The following CD36 variants were observed in gnomAD, a reference collection of about 807,000 sequenced individuals.
CD36 encodes the protein CD36 molecule (CD36 blood group).
A neutral mutation model predicts 55.2 loss-of-function variants in CD36; 119 were observed. The observed-to-expected ratio is 2.15, with a 90% CI of 1.86 to 2.51. The LOEUF (loss-of-function observed/expected upper bound fraction) is 2.51. Ranked by LOEUF, CD36 falls within the 30% of genes most tolerant of loss-of-function variation. The pLI is 0.00. For synonymous variants in CD36, 186 were observed against 193.6 expected (o/e 0.96, Z 0.33); for missense variants, 819 against 555.5 (o/e 1.47, Z -4.77).
At chr7:80,646,439 T>G in intron 2 of CD36, 1 of 373,246 alleles carries the variant, frequency 2.7e-6, no homozygotes, top group South Asian at 2.5e-5. Flanking sequence ...TATGAAGAAA[T>G]TCAGATATGA....
In CD36 at chr7:80,667,742, C is replaced by CTTTTTTT. The variant is rs1554344704; in HGVS notation, c.748+1257_748+1258insTTTTTTT. 1.5e-4 allele frequency among the ~76,000 whole-genome samples: 14 copies of CTTTTTTT among 92,952 alleles called. 1 individual carries two copies. The highest frequency in any genetic ancestry group is 5.4e-4 in the African/African-American group (14 of 26,044). The allele number at this position is 92,952 out of a possible 152,430, so 61.0% of individuals were successfully genotyped here. ...ACACTGTTGGATTTGCAGGGGTTTT[C>CTTTTTTT]TTTTGTTTTTTTTTTTTTTTTTTTT... On this transcript the variant is annotated intron_variant, in intron 8 of 14. Transcript: ENST00000447544.
At chr7:80,672,743 G>GTAAT in intron 11 of CD36, 27 bp from the exon 12 acceptor site, 1 of 1,487,538 alleles carries the variant, frequency 6.7e-7, no homozygotes. Flanking sequence ...TTAAAAGTTG[G>GTAAT]TAATTATTTA....
chr7:80,665,068 A>T (rs992878064), intron 7 of CD36, among the ~76,000 whole-genome samples: 3 of 152,076 alleles, frequency 2.0e-5, no homozygotes, highest in Non-Finnish European at 4.4e-5. Context: ...AGCTTTTTTA[A>T]CTTTATCAAT....
chr7:80,663,137 CCT>C lies in CD36; in HGVS notation c.578_579del (p.Pro193ArgfsTer20), dbSNP rs1491516639. On this transcript the variant is annotated frameshift_variant, in exon 6 of 15. Coordinates refer to ENST00000447544, the MANE Select transcript of CD36 (RefSeq NM_001001548.3). LOFTEE classifies it high-confidence loss of function. Reference sequence around the variant, plus strand: ...TCCATTTTTGAGTTTGGTTCCGTACCCTGTTACTACCACAGTTGGTCTGTTTT... The same window carrying C: ...TCCATTTTTGAGTTTGGTTCCGTACCGTTACTACCACAGTTGGTCTGTTTT... The part of the protein sequence containing the change: ...RDPFLSLVPY[P>X]VTTTVGLFYP... 3.7e-6 allele frequency: 6 copies of C among 1,613,500 alleles called. 1 individual carries two copies. In the South Asian group the frequency reaches 4.4e-5, roughly 12 times the overall value.
rs2116838514 is a variant in CD36, at chr7:80,669,947, A to C, written c.749-6A>C. The C allele has an allele frequency of 6.2e-7, 1 of 1,607,648 alleles. No homozygotes were observed. The highest frequency in any genetic ancestry group is 2.2e-5 in the East Asian group (1 of 44,830). On this transcript the variant is annotated splice_region_variant and splice_polypyrimidine_tract_variant and intron_variant, in intron 8 of 14. Coordinates refer to ENST00000447544, the MANE Select transcript of CD36 (RefSeq NM_001001548.3). ...TCTAATCATTTGCCACTCGATTTTT[A>C]AACAGATGCAGCCTCATTTCCACCT...
Position 80,674,092 on chromosome 7 carries a change from T to C in CD36, c.1364T>C (p.Met455Thr). ...ATCTTACTCAGTGTTGGTGTGGTGA[T>C]GTTTGTTGCTTTTATGATTTCATAT... ...EMILLSVGVV[M>T]FVAFMISYCA... is the part of the protein sequence containing the mutation. The change falls in exon 14 of 15, where the codon ATG becomes ACG. Residue 455 changes from methionine (M) to threonine (T), a missense_variant. Coordinates refer to ENST00000447544, the MANE Select transcript of CD36 (RefSeq NM_001001548.3). 6.2e-7 allele frequency: 1 copy of C among 1,612,502 alleles called. No individual in the cohort carries two copies. Among genetic ancestry groups the C allele is most frequent in the Non-Finnish European group, 8.5e-7 (1 of 1,179,006 alleles).
intron 3 of CD36, among the ~76,000 whole-genome samples, chr7:80,654,157 T>C (rs1795834471): frequency 6.6e-6 from 1 of 152,186 alleles, no homozygotes; most frequent in South Asian, 2.1e-4. Flanking sequence ...AAAGGTCTCA[T>C]ACACGTACAA....
intron 1 of CD36, among the ~76,000 whole-genome samples, chr7:80,612,022 A>G (rs1584268826): frequency 3.9e-5 from 6 of 152,360 alleles, no homozygotes; most frequent in Admixed American, 3.9e-4. Context: ...AAGGCCAAGC[A>G]GTGAGTGCTG....
At chr7:80,643,458 A>G (rs1004904490) in intron 1 of CD36, among the ~76,000 whole-genome samples, 2 of 152,098 alleles carry the variant, frequency 1.3e-5, no homozygotes, top group Non-Finnish European at 2.9e-5. Context: ...TTTTAAATAG[A>G]TTTTCATACT....
At chr7:80,674,843 T>C (rs992356469) in intron 14 of CD36, among the ~76,000 whole-genome samples, 1 of 152,102 alleles carries the variant, frequency 6.6e-6, no homozygotes, top group Non-Finnish European at 1.5e-5. Context: ...AAAAGCAGTA[T>C]GTGTGTTATA....
Position 80,673,379 on chromosome 7 carries a change from C to A in CD36, c.1224C>A (p.Asn408Lys). The change falls in exon 13 of 15, where the codon AAC becomes AAA. Residue 408 changes from asparagine to lysine, a missense_variant. By Grantham distance (94) the Asn-to-Lys change is moderately conservative. Coordinates refer to ENST00000447544, the MANE Select transcript of CD36 (RefSeq NM_001001548.3). Reference protein sequence around the residue: ...KIQVLKNLKRNYIVPILWLNE... With the variant: ...KIQVLKNLKRKYIVPILWLNE... ...GAGTATTAAAGAATCTGAAGAGGAA[C>A]TATATTGTGCCTATTCTTTGGCTTA... The A allele has an allele frequency of 3.2e-6, 5 of 1,561,050 alleles. No individual in the cohort carries two copies. The highest frequency in any genetic ancestry group is 3.5e-6 in the Non-Finnish European group (4 of 1,132,798).
At chr7:80,642,348 G>A (rs1211970078) in intron 1 of CD36, among the ~76,000 whole-genome samples, 2 of 152,066 alleles carry the variant, frequency 1.3e-5, no homozygotes, top group East Asian at 3.9e-4. Context: ...GTGTTATTAA[G>A]AAAACTGAGT....
chr7:80,620,090 A>G (rs1032985257), intron 1 of CD36, among the ~76,000 whole-genome samples: 6 of 152,040 alleles, frequency 3.9e-5, no homozygotes, highest in South Asian at 4.2e-4. Flanking sequence ...ATGTGTAGGG[A>G]AAAACTTTCT....
intron 3 of CD36, chr7:80,647,196 T>C (rs1795234340): frequency 3.5e-6 from 1 of 282,812 alleles, no homozygotes; most frequent in South Asian, 3.7e-5. Flanking sequence ...TAAGTGAGTA[T>C]ATTTTGTAAA....
intron 1 of CD36, among the ~76,000 whole-genome samples, chr7:80,618,984 G>T (rs1224856758): frequency 2.0e-5 from 3 of 152,126 alleles, no homozygotes; most frequent in African/African-American, 7.2e-5. Flanking sequence ...CTGGAGAGGA[G>T]AAGTCAATGC....
At chr7:80,660,342 A>G (rs556477446) in intron 4 of CD36, among the ~76,000 whole-genome samples, 1 of 152,272 alleles carries the variant, frequency 6.6e-6, no homozygotes, top group East Asian at 1.9e-4. Context: ...TATAACCCTT[A>G]AAAATGGAAA....
At position 80,662,788 on chromosome 7, in the gene CD36, C is replaced by T. The variant is rs1880955; in HGVS notation, c.430-202C>T. On this transcript the variant is annotated intron_variant, in intron 5 of 14. Transcript: ENST00000447544. ...AGAGCTTAACTTGGAATGTCGTCTTCTTGTGGCTGGCACTGAGGCAAAGAA... is the reference window on the plus strand; with the variant it reads ...AGAGCTTAACTTGGAATGTCGTCTTTTTGTGGCTGGCACTGAGGCAAAGAA... Among the ~76,000 whole-genome samples, 1,152 of 152,210 alleles carry T rather than the reference C, an allele frequency of 7.6e-3. 42 individuals are homozygous for T. In the East Asian group the frequency reaches 0.096, roughly 13 times the overall value.
chr7:80,644,254 A>C (rs1336762744), intron 1 of CD36, among the ~76,000 whole-genome samples: 2 of 152,166 alleles, frequency 1.3e-5, no homozygotes, highest in African/African-American at 4.8e-5. Context: ...CTCCACCCTG[A>C]ACAATTAATA....
chr7:80,661,094 C>T lies in CD36; in HGVS notation c.313C>T (p.Gln105Ter), dbSNP rs754102777. 4 of 1,613,718 alleles carry T rather than the reference C, an allele frequency of 2.5e-6. No individual in the cohort carries two copies. The Admixed American group carries it at 6.7e-5, about 27-fold the overall frequency. ...TTTTCTAGCCAAGGAAAATGTAACC[C>T]AGGACGCTGAGGACAACACAGTCTC... is the stretch of plus-strand genomic sequence containing the variant. ...VRFLAKENVT[Q>*]DAEDNTVSFL... Residue 105 changes from glutamine to a stop codon, truncating the protein, a stop_gained, in exon 5 of 15, where the codon CAG becomes TAG. Transcript: ENST00000447544. LOFTEE classifies it high-confidence loss of function.
Sources: allele counts gnomAD v4.1 joint callset (sites outside exome capture counted in the v4.1 genomes callset), GRCh38; gene constraint gnomAD v4.1.1; transcripts MANE v1.5; gene names NCBI Gene and HGNC (gene_info 2026-07-23, HGNC 2026-07-21).